SPATA31A1: variants seen among roughly 807,000 people sequenced by gnomAD.
SPATA31A1 encodes the protein spermatogenesis-associated protein 31A1.
For missense variants in SPATA31A1, 579 were observed against 1,476.3 expected, an observed-to-expected ratio of 0.39 and a Z score of 9.96; for synonymous variants, 194 against 573.4, an observed-to-expected ratio of 0.34 and a Z score of 9.45.
chr9:39,357,589 C>G (rs79995634), intron 2 of SPATA31A1, among the ~76,000 whole-genome samples, 169 bp from the exon 3 acceptor site: 2 of 148,688 alleles, frequency 1.3e-5, no homozygotes, highest in African/African-American at 5.1e-5. Context: ...TGAAAAAGCC[C>G]TGTCCTCCAT....
In SPATA31A1 at chr9:39,358,855, C is replaced by T. The variant is rs1195771942; in HGVS notation, c.1090C>T (p.Arg364Trp). 3.5e-3 allele frequency: 5,593 copies of T among 1,595,990 alleles called. 29 individuals carry two copies. The highest frequency in any genetic ancestry group is 6.1e-3 in the Admixed American group (363 of 59,964). Residue 364 changes from arginine (R) to tryptophan (W), a missense_variant, in exon 4 of 4, where the codon CGG (arginine) becomes TGG (tryptophan). Physicochemically the swap from Arg to Trp is moderately radical, Grantham distance 101. Coordinates refer to ENST00000377647, the MANE Select transcript of SPATA31A1 (RefSeq NM_001085452.4). ...MTPEKHLNSL[R>W]NLAKSLDAEQ... The stretch of plus-strand genomic sequence containing the variant: ...CCCAGAAAAGCACTTAAATTCTTTG[C>T]GGAATTTGGCTAAATCATTGGATGC...
At position 39,357,795 on chromosome 9, in the gene SPATA31A1, G is replaced by A. The variant is rs1440174831; in HGVS notation, c.285G>A (p.Ser95=). 235 of 1,587,352 alleles carry A rather than the reference G, an allele frequency of 1.5e-4. 12 individuals are homozygous for A. The Middle Eastern group carries it at 2.0e-3, about 14-fold the overall frequency. Residue 95 remains serine, a synonymous_variant, in exon 3 of 4, where the codon TCG becomes TCA. Transcript: ENST00000377647. ...RECPRGLQET[S]DLLSQLQSLL... is the part of the protein sequence containing the mutation. ...GCCCGAGAGGCCTGCAGGAGACTTC[G>A]GACCTGCTTTCACAACTGCAGAGGT...
Position 39,361,248 on chromosome 9 carries a change from C to T in SPATA31A1, c.3483C>T (p.Ser1161=). 6.2e-7 allele frequency: 1 copy of T among 1,611,706 alleles called. No homozygotes were observed. Among genetic ancestry groups the T allele is most frequent in the Non-Finnish European group, 8.5e-7 (1 of 1,179,818 alleles). ...LPSKKQPPSV[S]HFGGNIKQFF... is the part of the protein sequence containing the mutation. ...CAAAGAAACAGCCTCCTTCAGTAAG[C>T]CACTTTGGAGGAAACATCAAGCAAT... The change falls in exon 4 of 4, where the codon AGC becomes AGT. Residue 1161 remains serine, a synonymous_variant. Coordinates refer to ENST00000377647, the MANE Select transcript of SPATA31A1 (RefSeq NM_001085452.4).
Position 39,361,953 on chromosome 9 carries a change from T to C in SPATA31A1, c.*144T>C, listed in dbSNP as rs2118441533. Reference sequence around the variant, plus strand: ...AATATACCACAATATATATGGTTTTTTATTCATAAGAGGGTGATGGCTTTT... The same window carrying C: ...AATATACCACAATATATATGGTTTTCTATTCATAAGAGGGTGATGGCTTTT... On this transcript the variant is annotated 3_prime_UTR_variant, in exon 4 of 4. Transcript: ENST00000377647. The C allele has an allele frequency of 8.2e-7, 1 of 1,218,122 alleles. No homozygotes were observed. The highest frequency in any genetic ancestry group is 1.6e-5 in the South Asian group (1 of 63,932). The allele number at this position is 1,218,122 out of a possible 1,614,324, so 75.5% of individuals were successfully genotyped here.
chr9:39,357,238 C>A, intron 2 of SPATA31A1, 49 bp downstream of exon 2: 1 of 1,607,980 alleles, frequency 6.2e-7, no homozygotes. Flanking sequence ...TCATCTGTCC[C>A]GGAGGGAACT....
Position 39,357,764 on chromosome 9 carries a change from G to C in SPATA31A1, c.254G>C (p.Arg85Thr). 1 of 1,562,742 alleles carries C rather than the reference G, an allele frequency of 6.4e-7. No homozygotes were observed. The highest frequency in any genetic ancestry group is 1.7e-5 in the Admixed American group (1 of 57,636). ...CCAGTCTCCTGATTTCCAGCTGGTA[G>C]AGAGTGCCCGAGAGGCCTGCAGGAG... Reference protein sequence around the residue: ...RMKNHSLRAGRECPRGLQETS... With the variant: ...RMKNHSLRAGTECPRGLQETS... Residue 85 changes from arginine to threonine, a missense_variant, in exon 3 of 4, where the codon AGA (arginine) becomes ACA (threonine). Arg to Thr is a moderately conservative substitution (Grantham distance 71). Coordinates refer to ENST00000377647, the MANE Select transcript of SPATA31A1 (RefSeq NM_001085452.4).
Position 39,358,650 on chromosome 9 carries a change from A to G in SPATA31A1, c.885A>G (p.Ser295=). ...ETARTSCAFN[S]SVQQDHLSRH... ...CCAGAACCTCGTGCGCCTTTAACTC[A>G]TCAGTCCAGCAAGATCATCTTTCCC... Residue 295 remains serine (S), a synonymous_variant, in exon 4 of 4, where the codon TCA becomes TCG. Coordinates refer to ENST00000377647, the MANE Select transcript of SPATA31A1 (RefSeq NM_001085452.4). 1.2e-6 allele frequency: 2 copies of G among 1,607,478 alleles called. No individual in the cohort carries two copies. Among genetic ancestry groups the G allele is most frequent in the Non-Finnish European group, 1.7e-6 (2 of 1,179,616 alleles).
chr9:39,357,926 G>A (rs1413343170), intron 3 of SPATA31A1, 108 bp downstream of exon 3: 1 of 1,578,854 alleles, frequency 6.3e-7, no homozygotes, highest in African/African-American at 1.4e-5. Context: ...GGGGTACAGA[G>A]GATGGGAGTA....
chr9:39,358,793 A>G lies in SPATA31A1; in HGVS notation c.1028A>G (p.Glu343Gly). 1 of 1,599,268 alleles carries G rather than the reference A, an allele frequency of 6.3e-7. No individual in the cohort carries two copies. Among genetic ancestry groups the G allele is most frequent in the Non-Finnish European group, 8.5e-7 (1 of 1,179,762 alleles). ...TETAKVNIWE[E>G]KENVGSFTDR... ...ACAGCCAAGGTCAACATTTGGGAAG[A>G]AAAAGAAAATGTTGGATCATTTACA... The change falls in exon 4 of 4, where the codon GAA becomes GGA. Residue 343 changes from glutamate (E) to glycine (G), a missense_variant. Transcript: ENST00000377647.
intron 2 of SPATA31A1, 31 bp downstream of exon 2, chr9:39,357,220 A>G: frequency 6.2e-7 from 1 of 1,608,906 alleles, no homozygotes; most frequent in Non-Finnish European, 8.5e-7. Flanking sequence ...ACTAGAGTTA[A>G]TTTGATCTCA....
intron 1 of SPATA31A1, among the ~76,000 whole-genome samples, chr9:39,356,223 C>G (rs1199393731): frequency 2.0e-5 from 1 of 49,560 alleles, no homozygotes; most frequent in Non-Finnish European, 3.9e-5. Flanking sequence ...CTGTCCGAGA[C>G]CAGGCCCTGA....
In SPATA31A1 at chr9:39,358,599, T is replaced by A. The variant is rs1823385937; in HGVS notation, c.834T>A (p.Ser278=). ...TTGGTGGCTCAAACAGTCATGTTTC[T>A]GCCTCCTCCCGGTGGCAGGAGACTG... ...SGLGGSNSHV[S]ASSRWQETAR... is the part of the protein sequence containing the mutation. The change falls in exon 4 of 4, where the codon TCT becomes TCA. Residue 278 remains serine (S), a synonymous_variant. Transcript: ENST00000377647. The A allele has an allele frequency of 6.3e-7, 1 of 1,598,040 alleles. No individual in the cohort carries two copies. The highest frequency in any genetic ancestry group is 1.4e-5 in the African/African-American group (1 of 73,152).
intron 1 of SPATA31A1, among the ~76,000 whole-genome samples, chr9:39,356,243 C>T (rs1382656724): frequency 1.0e-3 from 61 of 58,230 alleles, no homozygotes; most frequent in African/African-American, 4.2e-3. Flanking sequence ...AGCCCTGGCT[C>T]ATCAGCCCCT....
Position 39,359,331 on chromosome 9 carries a change from A to T in SPATA31A1, c.1566A>T (p.Gly522=). The T allele has an allele frequency of 1.2e-6, 2 of 1,605,824 alleles. No homozygotes were observed. The highest frequency in any genetic ancestry group is 4.5e-5 in the East Asian group (2 of 44,488). The change falls in exon 4 of 4, where the codon GGA becomes GGT. Residue 522 remains glycine (G), a synonymous_variant. Transcript: ENST00000377647. The part of the protein sequence containing the change: ...PAFPSLIKNT[G]VACPASQNKV... ...TTCCATCCCTGATTAAGAACACTGG[A>T]GTAGCTTGCCCTGCATCGCAGAATA...
intron 3 of SPATA31A1, 96 bp downstream of exon 3, chr9:39,357,914 C>G (rs1823368133): frequency 1.9e-6 from 3 of 1,558,626 alleles, no homozygotes; most frequent in African/African-American, 2.8e-5. Flanking sequence ...ATGGGGAGAC[C>G]AGGGGTACAG....
At position 39,359,514 on chromosome 9, in the gene SPATA31A1, C is replaced by A. The variant is rs2118428331; in HGVS notation, c.1749C>A (p.Ser583=). The A allele has an allele frequency of 6.7e-7, 1 of 1,489,918 alleles. No homozygotes were observed. Among genetic ancestry groups the A allele is most frequent in the East Asian group, 2.3e-5 (1 of 42,928 alleles). 92.3% of individuals were successfully genotyped at this position (1,489,918 alleles called of 1,614,324 possible). A position where few individuals can be genotyped will look rare whatever the true frequency, so the allele number is the denominator to read the frequency against. ...ACCTTCCCCAGGAAAGTTTGACATC[C>A]ATTCTGCCTGAGAACTTTCCAGTCA... is the stretch of plus-strand genomic sequence containing the variant. ...TPNLPQESLT[S]ILPENFPVSP... is the part of the protein sequence containing the mutation. Residue 583 remains serine (S), a synonymous_variant, in exon 4 of 4, where the codon TCC becomes TCA. Coordinates refer to ENST00000377647, the MANE Select transcript of SPATA31A1 (RefSeq NM_001085452.4).
At position 39,361,882 on chromosome 9, in the gene SPATA31A1, G is replaced by A; in HGVS notation, c.*73G>A. The A allele has an allele frequency of 6.3e-7, 1 of 1,589,284 alleles. No homozygotes were observed. The highest frequency in any genetic ancestry group is 8.5e-7 in the Non-Finnish European group (1 of 1,172,220). On this transcript the variant is annotated 3_prime_UTR_variant, in exon 4 of 4. Transcript: ENST00000377647. ...GTCCCCAAGAAAAAATTCACTCTAT[G>A]TAGAGAAAAAATATTTTCTCTCATG...
Position 39,361,193 on chromosome 9 carries a change from A to G in SPATA31A1, c.3428A>G (p.His1143Arg), listed in dbSNP as rs1823458318. Residue 1143 changes from histidine to arginine, a missense_variant, in exon 4 of 4, where the codon CAT (histidine) becomes CGT (arginine). Transcript: ENST00000377647. ...LTPVRKTEDT[H>R]QDEGVQLLPS... is the part of the protein sequence containing the mutation. ...CCAGTCAGGAAAACAGAAGACACCC[A>G]TCAGGATGAAGGCGTCCAGCTACTG... 1 of 1,611,452 alleles carries G rather than the reference A, an allele frequency of 6.2e-7. No homozygotes were observed. The highest frequency in any genetic ancestry group is 8.5e-7 in the Non-Finnish European group (1 of 1,179,774).
intron 2 of SPATA31A1, 86 bp from the exon 3 acceptor site, chr9:39,357,672 G>T: frequency 1.3e-6 from 2 of 1,588,804 alleles, no homozygotes; most frequent in Non-Finnish European, 1.7e-6. Flanking sequence ...ATTCCCCATG[G>T]TCCTCCCTAA....
Sources: gnomAD v4.1 joint callset for allele counts (sites outside exome capture counted in the v4.1 genomes callset) on GRCh38, gnomAD v4.1.1 for gene constraint, MANE v1.5 for transcripts, NCBI Gene and HGNC (gene_info 2026-07-23, HGNC 2026-07-21) for gene names.